PCDH15: variants seen among roughly 807,000 people sequenced by gnomAD.
PCDH15 encodes the protein protocadherin related 15, also known as protocadherin-15.
A neutral mutation model predicts 178.5 loss-of-function variants in PCDH15; 129 were observed. The observed-to-expected ratio is 0.72, with a 90% CI of 0.63 to 0.84. PCDH15 has a LOEUF of 0.84. PCDH15 is among the 40% of genes least tolerant of loss of function. PCDH15 has a pLI of 0.00. For missense variants in PCDH15, 2,230 were observed against 2,099.9 expected (o/e 1.06, Z -1.21); for synonymous variants, 800 against 732.0 (o/e 1.09, Z -1.50).
At chr10:54,044,145 A>T (rs1027767498) in intron 18 of PCDH15, among the ~76,000 whole-genome samples, 4 of 152,082 alleles carry the variant, frequency 2.6e-5, no homozygotes, top group Non-Finnish European at 5.9e-5. Flanking sequence ...GAAGGGAGAA[A>T]AGTACATCTT....
intron 2 of PCDH15, among the ~76,000 whole-genome samples, chr10:55,043,719 TAAATAAATAAATAAATAAATA>T (rs1246325782): frequency 2.3e-4 from 12 of 52,870 alleles, no homozygotes; most frequent in Admixed American, 5.8e-4. Context: ...AAATAGAAAA[TAAATAAATAAATAAATAAATA>T]AAATAAATAA....
intron 3 of PCDH15, among the ~76,000 whole-genome samples, chr10:54,394,112 T>C (rs993293023): frequency 6.6e-6 from 1 of 152,072 alleles, no homozygotes; most frequent in African/African-American, 2.4e-5. Context: ...ATTGAAAACA[T>C]ATAATTATTT....
At chr10:53,985,860 C>T (rs1014022564) in intron 21 of PCDH15, among the ~76,000 whole-genome samples, 4 of 151,938 alleles carry the variant, frequency 2.6e-5, no homozygotes, top group Admixed American at 6.6e-5. Flanking sequence ...ATCTCATAGA[C>T]TTAAACCATA....
chr10:54,831,531 C>T (rs539681363), intron 3 of PCDH15, among the ~76,000 whole-genome samples: 1 of 151,854 alleles, frequency 6.6e-6, no homozygotes, highest in East Asian at 1.9e-4. Context: ...CTGTTCTACA[C>T]ACAACACAAA....
At chr10:54,039,087 A>G (rs990685575) in intron 18 of PCDH15, among the ~76,000 whole-genome samples, 1 of 152,016 alleles carries the variant, frequency 6.6e-6, no homozygotes, top group Non-Finnish European at 1.5e-5. Flanking sequence ...TCTTATAAAC[A>G]CCCAGTATGG....
chr10:53,915,955 T>C (rs2083492178), intron 25 of PCDH15, among the ~76,000 whole-genome samples: 1 of 152,180 alleles, frequency 6.6e-6, no homozygotes, highest in African/African-American at 2.4e-5. Flanking sequence ...CTGTGGGGGA[T>C]TGGTCCCAGG....
At chr10:55,066,273 T>C (rs994764245) in intron 2 of PCDH15, among the ~76,000 whole-genome samples, 3 of 151,420 alleles carry the variant, frequency 2.0e-5, no homozygotes, top group African/African-American at 7.2e-5. Context: ...ATCAATTCTC[T>C]GGTTAATCAG....
rs1276272512 is a variant in PCDH15 at position 55,334,286 on chromosome 10, ATGTG to A, written c.-155-167639_-155-167636del. On this transcript the variant is annotated intron_variant, in intron 2 of 5. Transcript: ENST00000613346. ...TGTGTGTGTGTGTGTGTGTGTGTGT[ATGTG>A]TATATATCTATATATATATATATAT... 6.0e-4 allele frequency among the ~76,000 whole-genome samples: 44 copies of A among 73,030 alleles called. 1 individual carries two copies. Among genetic ancestry groups the A allele is most frequent in the African/African-American group, 2.6e-3 (39 of 14,788 alleles). 47.9% of individuals were successfully genotyped at this position (73,030 alleles called of 152,430 possible). A position where few individuals can be genotyped will look rare whatever the true frequency, so the allele number is the denominator to read the frequency against.
intron 3 of PCDH15, among the ~76,000 whole-genome samples, chr10:54,408,159 GT>G (rs200298512): frequency 4.1e-5 from 6 of 145,802 alleles, no homozygotes; most frequent in Non-Finnish European, 7.5e-5. Flanking sequence ...ATAATTAGCT[GT>G]TTTTTTAAAA....
At chr10:55,224,955 T>C (rs1312422165) in intron 1 of PCDH15, among the ~76,000 whole-genome samples, 1 of 152,132 alleles carries the variant, frequency 6.6e-6, no homozygotes, top group African/African-American at 2.4e-5. Flanking sequence ...ATAAGCTCAG[T>C]ACAGCAAAGC....
chr10:55,460,223 T>C (rs1278160020), intron 2 of PCDH15, among the ~76,000 whole-genome samples: 1 of 151,718 alleles, frequency 6.6e-6, no homozygotes, highest in Non-Finnish European at 1.5e-5. Context: ...TATTAGTGGG[T>C]ATTATATTTC....
intron 33 of PCDH15, among the ~76,000 whole-genome samples, chr10:53,819,546 T>C (rs181898383): frequency 2.8e-4 from 43 of 152,166 alleles, no homozygotes; most frequent in Middle Eastern, 3.4e-3. Flanking sequence ...TAATCAATTG[T>C]ATTATTTATT....
intron 13 of PCDH15, among the ~76,000 whole-genome samples, chr10:54,165,063 TG>T (rs1485596389): frequency 6.6e-6 from 1 of 152,218 alleles, no homozygotes; most frequent in African/African-American, 2.4e-5. Context: ...GATTTCTTCA[TG>T]TGTCAATAAC....
At chr10:54,923,057 C>G (rs1408530650) in intron 2 of PCDH15, among the ~76,000 whole-genome samples, 1 of 88,228 alleles carries the variant, frequency 1.1e-5, no homozygotes, top group African/African-American at 3.1e-5. Context: ...CCTCTGAAAT[C>G]TAGGAAGAGG....
chr10:53,948,112 T>C (rs947198235), intron 23 of PCDH15, among the ~76,000 whole-genome samples: 10 of 152,132 alleles, frequency 6.6e-5, no homozygotes, highest in Admixed American at 1.3e-4. Context: ...GTAATATACA[T>C]TCAGTATGCT....
At chr10:54,297,328 G>T (rs1253220905) in intron 8 of PCDH15, among the ~76,000 whole-genome samples, 1 of 152,100 alleles carries the variant, frequency 6.6e-6, no homozygotes, top group South Asian at 2.1e-4. Context: ...CTGCACTATG[G>T]CTCGGCCACA....
At chr10:54,657,407 C>T (rs1003198321) in intron 2 of PCDH15, among the ~76,000 whole-genome samples, 3 of 152,150 alleles carry the variant, frequency 2.0e-5, no homozygotes, top group African/African-American at 7.2e-5. Flanking sequence ...AATGAGCAGG[C>T]TCTTATGCTT....
At chr10:54,522,422 T>A (rs968475850) in intron 3 of PCDH15, among the ~76,000 whole-genome samples, 14 of 152,252 alleles carry the variant, frequency 9.2e-5, no homozygotes, top group Admixed American at 2.6e-4. Context: ...CTTCAGAGTC[T>A]TTGAATTTAT....
At chr10:54,114,095 T>C (rs1338424952) in intron 15 of PCDH15, among the ~76,000 whole-genome samples, 1 of 152,202 alleles carries the variant, frequency 6.6e-6, no homozygotes, top group Non-Finnish European at 1.5e-5. Context: ...CAATTCAAGG[T>C]GAGATTTGGG....
Sources: gnomAD v4.1 joint callset for allele counts (sites outside exome capture counted in the v4.1 genomes callset) on GRCh38, gnomAD v4.1.1 for gene constraint, MANE v1.5 for transcripts, NCBI Gene and HGNC (gene_info 2026-07-23, HGNC 2026-07-21) for gene names.